Variants in SAMD12 observed in about 807,000 individuals in gnomAD.
The protein encoded by SAMD12 is sterile alpha motif domain containing 12.
Under a neutral mutation model 15.0 loss-of-function variants are expected in SAMD12, and 9 were observed. That is an observed-to-expected ratio of 0.60 (90% CI 0.36 to 1.05). The LOEUF (loss-of-function observed/expected upper bound fraction) is 1.05. Ranked by LOEUF, SAMD12 falls within the 50% of genes least tolerant of loss-of-function variation. SAMD12 has a pLI of 0.01. For missense variants in SAMD12, 230 were observed against 234.2 expected, an observed-to-expected ratio of 0.98 and a Z score of 0.12; for synonymous variants, 86 against 90.1, an observed-to-expected ratio of 0.96 and a Z score of 0.25.
chr8:118,420,787 A>G (rs1821961135), intron 3 of SAMD12, among the ~76,000 whole-genome samples: 1 of 152,226 alleles, frequency 6.6e-6, no homozygotes, highest in African/African-American at 2.4e-5. Flanking sequence ...AGAATTCTAA[A>G]TTTCTTTTAT....
intron 2 of SAMD12, among the ~76,000 whole-genome samples, chr8:118,498,459 G>A (rs540963445): frequency 6.6e-5 from 10 of 152,354 alleles, no homozygotes; most frequent in Admixed American, 2.6e-4. Flanking sequence ...GAGGTATGTG[G>A]ATAGCTCCAG....
intron 2 of SAMD12, among the ~76,000 whole-genome samples, chr8:118,485,407 A>G (rs1293748235): frequency 1.3e-5 from 2 of 152,220 alleles, no homozygotes; most frequent in African/African-American, 4.8e-5. Flanking sequence ...GGATGGTGAG[A>G]GAAGGCAGAG....
chr8:118,458,880 T>C (rs1823332899), intron 2 of SAMD12, among the ~76,000 whole-genome samples: 1 of 152,196 alleles, frequency 6.6e-6, no homozygotes, highest in African/African-American at 2.4e-5. Flanking sequence ...GTAGATTTAA[T>C]GTGCCTGACA....
chr8:118,413,278 A>G (rs1285723699), intron 3 of SAMD12, among the ~76,000 whole-genome samples: 1 of 152,198 alleles, frequency 6.6e-6, no homozygotes, highest in Non-Finnish European at 1.5e-5. Flanking sequence ...GTACCATTTC[A>G]GTAGCAATAG....
At chr8:118,298,154 C>T (rs528952176) in intron 4 of SAMD12, among the ~76,000 whole-genome samples, 36 of 152,222 alleles carry the variant, frequency 2.4e-4, no homozygotes, top group African/African-American at 8.2e-4. Context: ...ATGGGCAAAT[C>T]GTTCATTTGT....
chr8:118,170,256 G>A, the SAMD12 span, among the ~76,000 whole-genome samples: 2 of 152,070 alleles, frequency 1.3e-5, no homozygotes, highest in Non-Finnish European at 1.5e-5. Flanking sequence ...GTTTGGCAAA[G>A]TTCCAGGCCC....
intron 4 of SAMD12, among the ~76,000 whole-genome samples, chr8:118,258,616 C>G (rs189373014): frequency 6.6e-6 from 1 of 152,074 alleles, no homozygotes; most frequent in Non-Finnish European, 1.5e-5. Flanking sequence ...ATTACCCCCC[C>G]TCATATGATT....
intron 2 of SAMD12, among the ~76,000 whole-genome samples, chr8:118,540,163 C>G (rs77335999): frequency 0.021 from 3,122 of 152,258 alleles, 110 homozygotes; most frequent in African/African-American, 0.07. Context: ...GATGCCAGTT[C>G]TATTTCATGG....
intron 2 of SAMD12, among the ~76,000 whole-genome samples, chr8:118,532,597 T>A (rs555451614): frequency 1.3e-5 from 2 of 152,320 alleles, no homozygotes; most frequent in East Asian, 1.9e-4. Flanking sequence ...AGGCTCTTAA[T>A]TGTTGCCTCA....
intron 4 of SAMD12, among the ~76,000 whole-genome samples, chr8:118,233,450 C>A (rs1225016022): frequency 6.6e-6 from 1 of 152,126 alleles, no homozygotes; most frequent in Non-Finnish European, 1.5e-5. Context: ...GTTTTGGAAC[C>A]TGAAATGGGA....
intron 1 of SAMD12, among the ~76,000 whole-genome samples, chr8:118,616,417 T>C (rs1011308685): frequency 7.9e-5 from 12 of 152,186 alleles, no homozygotes; most frequent in Admixed American, 2.0e-4. Flanking sequence ...GGTACATTCA[T>C]AATGATGTTC....
the SAMD12 span, among the ~76,000 whole-genome samples, chr8:118,165,593 T>C: frequency 1.4e-5 from 1 of 71,466 alleles, no homozygotes; most frequent in African/African-American, 4.5e-5. Context: ...TCTATATATA[T>C]ACATATATAC....
chr8:118,433,055 A>C lies in SAMD12; in HGVS notation c.322+6777T>G, dbSNP rs916418233. Among the ~76,000 whole-genome samples, 10 of 152,222 alleles carry C rather than the reference A, an allele frequency of 6.6e-5. No homozygotes were observed. The East Asian group carries it at 1.9e-3, about 29-fold the overall frequency. ...GGGTAACACAGGGGGACATGTACCT[A>C]TATTGTAAGGGGGACACTCAGCCTC... On this transcript the variant is annotated intron_variant, in intron 3 of 3. Coordinates refer to ENST00000314727, the MANE Select transcript of SAMD12 (RefSeq NM_207506.3).
chr8:118,489,418 C>T (rs755893259), intron 2 of SAMD12, among the ~76,000 whole-genome samples: 1 of 152,092 alleles, frequency 6.6e-6, no homozygotes, highest in South Asian at 2.1e-4. Flanking sequence ...AATCTGAGGT[C>T]ATGAAGTTAT....
intron 4 of SAMD12, among the ~76,000 whole-genome samples, chr8:118,324,827 G>T (rs779864106): frequency 2.6e-5 from 4 of 152,184 alleles, no homozygotes; most frequent in Non-Finnish European, 5.9e-5. Context: ...TGAGAATGGT[G>T]CAGTAAGCGG....
At chr8:118,512,391 A>ATATC (rs149627531) in intron 2 of SAMD12, among the ~76,000 whole-genome samples, 3,558 of 152,250 alleles carry the variant, frequency 0.023, 113 homozygotes, top group African/African-American at 0.076. Flanking sequence ...GAGCCAATAA[A>ATATC]TATCTATTTT....
chr8:118,442,090 C>T (rs747879631), intron 2 of SAMD12, among the ~76,000 whole-genome samples: 2 of 152,160 alleles, frequency 1.3e-5, no homozygotes, highest in African/African-American at 4.8e-5. Context: ...TGAGTGAATC[C>T]TTGACCCACA....
At chr8:118,439,193 T>C (rs1483961636) in intron 3 of SAMD12, among the ~76,000 whole-genome samples, 1 of 152,208 alleles carries the variant, frequency 6.6e-6, no homozygotes, top group Non-Finnish European at 1.5e-5. Flanking sequence ...TGAATACCCT[T>C]GATCTAAATG....
At chr8:118,480,533 C>T (rs1484680369) in intron 2 of SAMD12, among the ~76,000 whole-genome samples, 1 of 152,152 alleles carries the variant, frequency 6.6e-6, no homozygotes. Flanking sequence ...ACAACAGGGT[C>T]AAGCAAATTA....
Sources: gnomAD v4.1 joint callset for allele counts (sites outside exome capture counted in the v4.1 genomes callset) on GRCh38, gnomAD v4.1.1 for gene constraint, MANE v1.5 for transcripts, NCBI Gene and HGNC (gene_info 2026-07-23, HGNC 2026-07-21) for gene names.